Variants in PTPN13 observed in about 807,000 individuals in gnomAD.
The protein encoded by PTPN13 is tyrosine-protein phosphatase non-receptor type 13.
In PTPN13, 191 loss-of-function variants were observed where a neutral mutation model predicts 284.0. The observed-to-expected ratio is 0.67, with a 90% confidence interval of 0.60 to 0.76. The LOEUF (loss-of-function observed/expected upper bound fraction) is 0.76. Ranked by LOEUF, PTPN13 falls within the 30% of genes least tolerant of loss-of-function variation. The pLI, the probability that PTPN13 is intolerant of heterozygous loss-of-function variation, is 0.00. For synonymous variants in PTPN13, 986 were observed against 1,022.3 expected (o/e 0.96, Z 0.68); for missense variants, 2,797 against 2,939.9 (o/e 0.95, Z 1.12).
rs779358419 is a variant in PTPN13, at chr4:86,750,622, C to T, written c.2803C>T (p.Leu935=). ...AGTTCAAGCTGAGATTCTGAAGAGGCTATCCTGCTCAGAGCTGTCGCTTTA... is the reference window on the plus strand; with the variant it reads ...AGTTCAAGCTGAGATTCTGAAGAGGTTATCCTGCTCAGAGCTGTCGCTTTA... The part of the protein sequence containing the change: ...LSVQAEILKR[L]SCSELSLYQP... The change falls in exon 18 of 48, where the codon CTA becomes TTA. Residue 935 remains leucine, a synonymous_variant. Coordinates refer to ENST00000411767, the MANE Select transcript of PTPN13 (RefSeq NM_080683.3). 4 of 1,613,954 alleles carry T rather than the reference C, an allele frequency of 2.5e-6. No homozygotes were observed. The highest frequency in any genetic ancestry group is 8.5e-7 in the Non-Finnish European group (1 of 1,179,870).
chr4:86,742,543 C>T (rs1302779251), intron 16 of PTPN13, among the ~76,000 whole-genome samples: 1 of 152,136 alleles, frequency 6.6e-6, no homozygotes, highest in African/African-American at 2.4e-5. Context: ...ATAGTCTCAG[C>T]AAAACAGTAT....
chr4:86,744,982 T>C lies in PTPN13; in HGVS notation c.2504T>C (p.Leu835Ser). ...KISFSKKKIT[L>S]QNTSDGIKHG... is the part of the protein sequence containing the mutation. ...ATATTGTAGAAAAAGAAAATCACAT[T>C]GCAAAATACATCAGATGGAATAAAA... The change falls in exon 17 of 48, where the codon TTG becomes TCG. Residue 835 changes from leucine (L) to serine (S), a missense_variant. Coordinates refer to ENST00000411767, the MANE Select transcript of PTPN13 (RefSeq NM_080683.3). The C allele has an allele frequency of 6.3e-7, 1 of 1,575,236 alleles. No homozygotes were observed.
chr4:86,780,513 G>A (rs1279309413), intron 36 of PTPN13, 41 bp downstream of exon 36: 3 of 1,346,956 alleles, frequency 2.2e-6, no homozygotes, highest in Non-Finnish European at 3.2e-6. Flanking sequence ...CTACGGTAAT[G>A]GGAATGTAAA....
At chr4:86,783,385 AT>A (rs1741546890) in intron 37 of PTPN13, among the ~76,000 whole-genome samples, 4 of 152,172 alleles carry the variant, frequency 2.6e-5, no homozygotes, top group African/African-American at 9.6e-5. Flanking sequence ...TTCTAGTAAT[AT>A]TCACACTGTA....
chr4:86,718,691 T>G (rs1336186182), intron 9 of PTPN13, among the ~76,000 whole-genome samples: 1 of 152,176 alleles, frequency 6.6e-6, no homozygotes, highest in Admixed American at 6.5e-5. Context: ...CGTCAAGTTA[T>G]CCACCCACCT....
At chr4:86,752,382 C>T (rs904252790) in intron 19 of PTPN13, among the ~76,000 whole-genome samples, 9 of 152,054 alleles carry the variant, frequency 5.9e-5, no homozygotes, top group East Asian at 1.9e-4. Flanking sequence ...TGTAGGCTTT[C>T]GCAACTTTCA....
chr4:86,630,558 C>T (rs1722362252), intron 1 of PTPN13, among the ~76,000 whole-genome samples: 1 of 152,074 alleles, frequency 6.6e-6, no homozygotes, highest in Non-Finnish European at 1.5e-5. Context: ...CTGAATCTTC[C>T]TGGATGAAAA....
chr4:86,605,246 C>A (rs555195753), intron 1 of PTPN13, among the ~76,000 whole-genome samples: 1 of 151,704 alleles, frequency 6.6e-6, no homozygotes, highest in East Asian at 1.9e-4. Context: ...CACAGGGAGC[C>A]AAAGAGAGAA....
At chr4:86,626,239 T>C (rs549175960) in intron 1 of PTPN13, among the ~76,000 whole-genome samples, 7 of 152,308 alleles carry the variant, frequency 4.6e-5, no homozygotes, top group South Asian at 4.1e-4. Flanking sequence ...ACATGATTTC[T>C]ATTTAGATAA....
At chr4:86,809,571 G>A (rs1310595818) in intron 45 of PTPN13, among the ~76,000 whole-genome samples, 198 bp from the exon 46 acceptor site, 2 of 152,086 alleles carry the variant, frequency 1.3e-5, no homozygotes, top group Admixed American at 1.3e-4. Flanking sequence ...GGCAATGTGC[G>A]CCTGTAATCC....
Position 86,672,534 on chromosome 4 carries a change from T to G in PTPN13, c.285T>G (p.Asp95Glu). ...ATCAGTCACTAACTTCTCTCTCAGA[T>G]GTTGAAAAGGTAACTGTTAAATTTT... ...LQNQSLTSLS[D>E]VEKIHIYSLG... Residue 95 changes from aspartate to glutamate, a missense_variant, in exon 3 of 48, where the codon GAT (aspartate) becomes GAG (glutamate). By Grantham distance (45) the Asp-to-Glu change is conservative (BLOSUM62 2). Transcript: ENST00000411767. The G allele has an allele frequency of 6.2e-7, 1 of 1,602,644 alleles. No homozygotes were observed. The highest frequency in any genetic ancestry group is 1.7e-4 in the Middle Eastern group (1 of 6,046).
chr4:86,728,908 T>C lies in PTPN13; in HGVS notation c.1609-3492T>C, dbSNP rs988865639. On this transcript the variant is annotated intron_variant, in intron 10 of 47. Transcript: ENST00000411767. ...TATGATGTTATCTGGTTATTTTGCC[T>C]ATTAATTGAGGCAGTTTCTTCCTAG... Among the ~76,000 whole-genome samples the C allele has an allele frequency of 4.1e-5, 6 of 148,030 alleles. No individual in the cohort carries two copies. In the Admixed American group the frequency reaches 4.1e-4, roughly 10 times the overall value.
At position 86,732,758 on chromosome 4, in the gene PTPN13, C is replaced by T. The variant is rs753735993; in HGVS notation, c.1850C>T (p.Thr617Ile). ...LVEHHLFALA[T>I]LKDNEYFFVD... ...GAGCATCATTTGTTTGCTTTAGCTA[C>T]CCTCAAAGGTACCAAGACATTTTAT... Residue 617 changes from threonine to isoleucine, a missense_variant, in exon 12 of 48, where the codon ACC becomes ATC. Coordinates refer to ENST00000411767, the MANE Select transcript of PTPN13 (RefSeq NM_080683.3). 2.5e-6 allele frequency: 4 copies of T among 1,612,024 alleles called. No homozygotes were observed. In the South Asian group the frequency reaches 3.3e-5, roughly 13 times the overall value.
intron 1 of PTPN13, among the ~76,000 whole-genome samples, chr4:86,625,350 T>TATCTTCTTTA (rs1554294337): frequency 6.6e-6 from 1 of 152,044 alleles, no homozygotes; most frequent in Non-Finnish European, 1.5e-5. Flanking sequence ...AACCCCCTTA[T>TATCTTCTTTA]ATCTTCTTTA....
intron 1 of PTPN13, among the ~76,000 whole-genome samples, 190 bp from the exon 2 acceptor site, chr4:86,635,062 T>C (rs1253160803): frequency 2.6e-5 from 4 of 152,168 alleles, no homozygotes; most frequent in Non-Finnish European, 4.4e-5. Context: ...GGCAAGTGGT[T>C]GTTTTGAGGG....
At chr4:86,626,724 C>A (rs929980210) in intron 1 of PTPN13, among the ~76,000 whole-genome samples, 5 of 152,020 alleles carry the variant, frequency 3.3e-5, no homozygotes, top group African/African-American at 1.2e-4. Flanking sequence ...ATACAATTAC[C>A]ATATGATTTA....
intron 2 of PTPN13, among the ~76,000 whole-genome samples, chr4:86,653,289 C>G (rs890990731): frequency 3.3e-5 from 5 of 152,052 alleles, no homozygotes; most frequent in Admixed American, 2.0e-4. Flanking sequence ...TTGTGTGTCC[C>G]TGATGCTTTC....
intron 6 of PTPN13, among the ~76,000 whole-genome samples, chr4:86,700,625 GTTTC>G (rs1268937583): frequency 6.6e-6 from 1 of 152,120 alleles, no homozygotes; most frequent in Non-Finnish European, 1.5e-5. Flanking sequence ...GAAACAGTAA[GTTTC>G]TTTCATAACT....
At chr4:86,633,364 G>A (rs1722670025) in intron 1 of PTPN13, among the ~76,000 whole-genome samples, 1 of 152,028 alleles carries the variant, frequency 6.6e-6, no homozygotes, top group African/African-American at 2.4e-5. Context: ...AGAGTGATAG[G>A]CAACACCTTT....
Sources: gnomAD v4.1 joint callset for allele counts (sites outside exome capture counted in the v4.1 genomes callset) on GRCh38, gnomAD v4.1.1 for gene constraint, MANE v1.5 for transcripts, NCBI Gene and HGNC (gene_info 2026-07-23, HGNC 2026-07-21) for gene names.